The following GXYLT1 variants were observed in gnomAD, a reference collection of about 807,000 sequenced individuals.
The protein encoded by GXYLT1 is glycosyltransferase 8 domain containing 3.
In GXYLT1, 29 loss-of-function variants were observed where a neutral mutation model predicts 54.0. That is an observed-to-expected ratio of 0.54 (90% CI 0.40 to 0.73). The LOEUF (loss-of-function observed/expected upper bound fraction) is 0.73. Among genes scored for constraint, GXYLT1 ranks in the 30% least tolerant of loss-of-function variants. GXYLT1 has a pLI of 0.00. For missense variants in GXYLT1, 490 were observed against 553.4 expected, an observed-to-expected ratio of 0.89 and a Z score of 1.15; for synonymous variants, 176 against 204.1, an observed-to-expected ratio of 0.86 and a Z score of 1.17.
intron 1 of GXYLT1, among the ~76,000 whole-genome samples, chr12:42,135,339 GATGT>G (rs199631692): frequency 0.01 from 1,559 of 152,328 alleles, 7 homozygotes; most frequent in Non-Finnish European, 0.016. Context: ...AAACTGTTTA[GATGT>G]ATGGGGTTGT....
intron 1 of GXYLT1, among the ~76,000 whole-genome samples, chr12:42,130,962 A>G (rs184927374): frequency 6.6e-6 from 1 of 152,116 alleles, no homozygotes; most frequent in Non-Finnish European, 1.5e-5. Flanking sequence ...AAACAAAAAC[A>G]AAAAAAATTT....
intron 3 of GXYLT1, among the ~76,000 whole-genome samples, chr12:42,116,306 T>C (rs1415348172): frequency 6.6e-6 from 1 of 152,160 alleles, no homozygotes; most frequent in African/African-American, 2.4e-5. Context: ...AAAGAGCTTC[T>C]GCACAGCAAA....
Position 42,144,664 on chromosome 12 carries a change from T to A in GXYLT1, c.-18A>T. The stretch of plus-strand genomic sequence containing the variant: ...CGCCGCATCGCCCCGGCCGCGCTCC[T>A]CCTTCGCCGCCGCCGCCGCGCCCGC... On this transcript the variant is annotated 5_prime_UTR_variant, in exon 1 of 8. Coordinates refer to ENST00000398675, the MANE Select transcript of GXYLT1 (RefSeq NM_173601.2). 1 of 1,219,460 alleles carries A rather than the reference T, an allele frequency of 8.2e-7. No individual in the cohort carries two copies. Among genetic ancestry groups the A allele is most frequent in the Non-Finnish European group, 1.1e-6 (1 of 909,658 alleles). The allele number at this position is 1,219,460 out of a possible 1,614,324, so 75.5% of individuals were successfully genotyped here. A position where few individuals can be genotyped will look rare whatever the true frequency, so the allele number is the denominator to read the frequency against.
intron 5 of GXYLT1, among the ~76,000 whole-genome samples, chr12:42,102,218 A>G (rs2065394396): frequency 6.6e-6 from 1 of 152,192 alleles, no homozygotes; most frequent in East Asian, 1.9e-4. Context: ...GCGCATTCAC[A>G]TTATGCTCCA....
chr12:42,114,915 C>G (rs987722580), intron 3 of GXYLT1, among the ~76,000 whole-genome samples: 4 of 152,160 alleles, frequency 2.6e-5, no homozygotes, highest in Non-Finnish European at 4.4e-5. Flanking sequence ...AGCAGCACAT[C>G]AAAAAGCTTA....
chr12:42,112,739 T>TCC (rs2065466533), intron 3 of GXYLT1, among the ~76,000 whole-genome samples: 2 of 145,666 alleles, frequency 1.4e-5, no homozygotes, highest in African/African-American at 5.7e-5. Context: ...CCAGCAGAAC[T>TCC]TCCCCAATCC....
At chr12:42,099,390 T>A (rs1260753309) in intron 5 of GXYLT1, among the ~76,000 whole-genome samples, 1 of 152,182 alleles carries the variant, frequency 6.6e-6, no homozygotes, top group African/African-American at 2.4e-5. Context: ...TAACTATATA[T>A]CCTTAATGTT....
At position 42,097,424 on chromosome 12, in the gene GXYLT1, A is replaced by G. The variant is rs1307254516; in HGVS notation, c.1161+18T>C. The G allele has an allele frequency of 6.5e-7, 1 of 1,535,130 alleles. No individual in the cohort carries two copies. Among genetic ancestry groups the G allele is most frequent in the East Asian group, 2.4e-5 (1 of 42,258 alleles). On this transcript the variant is annotated intron_variant, in intron 7 of 7. Transcript: ENST00000398675. ...ATTTTCAAACAAAAAGTTAAAAAAAAGGAAAGGCAAATCTTACATTTCTCA... is the reference window on the plus strand; with the variant it reads ...ATTTTCAAACAAAAAGTTAAAAAAAGGGAAAGGCAAATCTTACATTTCTCA...
At chr12:42,093,541 C>G (rs1194717134) in intron 7 of GXYLT1, among the ~76,000 whole-genome samples, 3 of 152,054 alleles carry the variant, frequency 2.0e-5, no homozygotes, top group Non-Finnish European at 2.9e-5. Context: ...CAGCAAAGCA[C>G]CTTTATAATT....
At position 42,087,880 on chromosome 12, in the gene GXYLT1, A is replaced by G. The variant is rs769776316; in HGVS notation, c.1229T>C (p.Val410Ala). The change falls in exon 8 of 8, where the codon GTG (valine) becomes GCG (alanine). Residue 410 changes from valine to alanine, a missense_variant. Val to Ala is a moderately conservative substitution (Grantham distance 64). Transcript: ENST00000398675. Reference sequence around the variant, plus strand: ...GTAAATTTTTCCACAGTATGTATGCACTGTTTTTTGTAGTTCCAGTTCTAA... The same window carrying G: ...GTAAATTTTTCCACAGTATGTATGCGCTGTTTTTTGTAGTTCCAGTTCTAA... ...KPLELELQKT[V>A]HTYCGKIYKI... The G allele has an allele frequency of 2.5e-6, 4 of 1,595,690 alleles. No individual in the cohort carries two copies. In the African/African-American group the frequency reaches 4.0e-5, roughly 16 times the overall value.
chr12:42,128,384 A>G (rs1165346751), intron 2 of GXYLT1, among the ~76,000 whole-genome samples: 3 of 152,210 alleles, frequency 2.0e-5, no homozygotes, highest in Non-Finnish European at 4.4e-5. Context: ...ATTATTGTCA[A>G]TTAAAAATAA....
chr12:42,129,941 G>C (rs2065585164), intron 1 of GXYLT1, 90 bp from the exon 2 acceptor site: 2 of 763,872 alleles, frequency 2.6e-6, no homozygotes, highest in Non-Finnish European at 4.4e-6. Context: ...ATAACTTACT[G>C]TTCTATTTTA....
chr12:42,116,823 G>A (rs1387429043), intron 3 of GXYLT1, among the ~76,000 whole-genome samples: 34 of 152,138 alleles, frequency 2.2e-4, no homozygotes, highest in Admixed American at 1.6e-3. Context: ...AAAGACACAT[G>A]CACATGTATG....
intron 3 of GXYLT1, among the ~76,000 whole-genome samples, chr12:42,111,081 G>A (rs1266118184): frequency 1.3e-5 from 2 of 152,212 alleles, no homozygotes; most frequent in African/African-American, 2.4e-5. Context: ...ATTGGCAGCA[G>A]TCTATTACTA....
At chr12:42,133,480 T>C (rs1196251154) in intron 1 of GXYLT1, among the ~76,000 whole-genome samples, 1 of 152,156 alleles carries the variant, frequency 6.6e-6, no homozygotes, top group Non-Finnish European at 1.5e-5. Flanking sequence ...CCAAGGCACA[T>C]GCAGAAGCCA....
chr12:42,105,140 G>C (rs1002848817), intron 5 of GXYLT1, among the ~76,000 whole-genome samples: 1 of 152,198 alleles, frequency 6.6e-6, no homozygotes, highest in Admixed American at 6.5e-5. Context: ...AAACTACAGT[G>C]ACTTGCAACT....
At chr12:42,090,149 T>C (rs1368869566) in intron 7 of GXYLT1, among the ~76,000 whole-genome samples, 1 of 151,646 alleles carries the variant, frequency 6.6e-6, no homozygotes, top group Non-Finnish European at 1.5e-5. Flanking sequence ...TTTTCTTAAA[T>C]AAAAACAGTG....
intron 4 of GXYLT1, among the ~76,000 whole-genome samples, chr12:42,106,501 T>A (rs1350201377): frequency 2.0e-5 from 3 of 152,140 alleles, no homozygotes; most frequent in Admixed American, 6.5e-5. Context: ...CATCTTTACA[T>A]CATTTCGGTT....
At chr12:42,108,306 ATC>A (rs1019476368) in intron 4 of GXYLT1, among the ~76,000 whole-genome samples, 4 of 152,184 alleles carry the variant, frequency 2.6e-5, no homozygotes, top group Non-Finnish European at 5.9e-5. Context: ...AAAACCTCAC[ATC>A]TTTCTTTCAT....
Sources: gnomAD v4.1 joint callset for allele counts (sites outside exome capture counted in the v4.1 genomes callset) on GRCh38, gnomAD v4.1.1 for gene constraint, MANE v1.5 for transcripts, NCBI Gene and HGNC (gene_info 2026-07-23, HGNC 2026-07-21) for gene names.